The following ITK variants were observed in gnomAD, a reference collection of about 807,000 sequenced individuals.
ITK encodes IL2 inducible T cell kinase, also known as tyrosine-protein kinase ITK/TSK.
ITK carries 45 observed loss-of-function variants against 87.6 expected under a neutral mutation model. The ratio of observed to expected loss-of-function variants is 0.51; its 90% CI spans 0.40 to 0.66. The LOEUF (loss-of-function observed/expected upper bound fraction) is 0.66, where lower values mean the gene tolerates loss of function less well. Ranked by LOEUF, ITK falls within the 30% of genes least tolerant of loss-of-function variation. The pLI, the probability that ITK is intolerant of heterozygous loss-of-function variation, is 0.00. For synonymous variants in ITK, 303 were observed against 273.6 expected, an observed-to-expected ratio of 1.11 and a Z score of -1.06; for missense variants, 605 against 766.3, an observed-to-expected ratio of 0.79 and a Z score of 2.48.
At chr5:157,197,827 C>G (rs1267691936) in intron 1 of ITK, among the ~76,000 whole-genome samples, 1 of 152,086 alleles carries the variant, frequency 6.6e-6, no homozygotes, top group African/African-American at 2.4e-5. Flanking sequence ...TTAAGTTTTT[C>G]CAGTTTATTT....
intron 1 of ITK, among the ~76,000 whole-genome samples, chr5:157,188,541 G>A (rs911314133): frequency 6.6e-6 from 1 of 152,116 alleles, no homozygotes; most frequent in Non-Finnish European, 1.5e-5. Flanking sequence ...ACATAAAATG[G>A]CACTCATTCT....
In ITK at chr5:157,245,928, C is replaced by G. The variant is rs759932471; in HGVS notation, c.1562C>G (p.Pro521Arg). ...ACCAGTTCCACAGGCACCAAATTCC[C>G]GGTGAAGTGGGCATCCCCAGAGGTT... is the stretch of plus-strand genomic sequence containing the variant. ...QYTSSTGTKF[P>R]VKWASPEVFS... Residue 521 changes from proline (P) to arginine (R), a missense_variant, in exon 15 of 17, where the codon CCG (proline) becomes CGG (arginine). Transcript: ENST00000422843. 6.2e-7 allele frequency: 1 copy of G among 1,614,038 alleles called. No individual in the cohort carries two copies. Among genetic ancestry groups the G allele is most frequent in the East Asian group, 2.2e-5 (1 of 44,894 alleles).
intron 1 of ITK, chr5:157,199,468 G>A (rs190417648): frequency 6.6e-6 from 1 of 152,328 alleles, no homozygotes; most frequent in East Asian, 1.9e-4. Context: ...TCCAGCATAA[G>A]CATTGCTCAG....
chr5:157,234,526 T>C (rs1020063201), intron 8 of ITK, among the ~76,000 whole-genome samples: 2 of 152,248 alleles, frequency 1.3e-5, no homozygotes, highest in South Asian at 2.1e-4. Context: ...AATTCCTGCA[T>C]AGTATTCCAT....
At chr5:157,199,003 G>A (rs571738259) in intron 1 of ITK, among the ~76,000 whole-genome samples, 2 of 152,254 alleles carry the variant, frequency 1.3e-5, no homozygotes, top group East Asian at 1.9e-4. Flanking sequence ...GGCCTCAGGC[G>A]ACCCTCCTTC....
chr5:157,240,275 C>G, intron 10 of ITK, 80 bp downstream of exon 10: 1 of 1,313,802 alleles, frequency 7.6e-7, no homozygotes, highest in Non-Finnish European at 1.1e-6. Flanking sequence ...TGCCTGAGCT[C>G]TGCCTTCTGT....
intron 5 of ITK, among the ~76,000 whole-genome samples, 165 bp downstream of exon 5, chr5:157,218,072 A>G (rs966809396): frequency 6.6e-6 from 1 of 152,016 alleles, no homozygotes; most frequent in African/African-American, 2.4e-5. Context: ...TTTGGGCTTG[A>G]ACTCTCTTGG....
chr5:157,187,277 GC>G (rs1324164438), intron 1 of ITK, among the ~76,000 whole-genome samples: 1 of 152,196 alleles, frequency 6.6e-6, no homozygotes. Context: ...TGAACTATCA[GC>G]TTTATGAGAG....
chr5:157,246,651 G>T (rs552900078), intron 15 of ITK, among the ~76,000 whole-genome samples: 1 of 152,288 alleles, frequency 6.6e-6, no homozygotes, highest in South Asian at 2.1e-4. Context: ...TAGAGAGAGG[G>T]TCTGCTTTGA....
At chr5:157,196,861 T>C (rs1382802682) in intron 1 of ITK, among the ~76,000 whole-genome samples, 1 of 152,234 alleles carries the variant, frequency 6.6e-6, no homozygotes, top group Non-Finnish European at 1.5e-5. Flanking sequence ...CATTTCATAT[T>C]TCTTATTCTG....
intron 3 of ITK, among the ~76,000 whole-genome samples, chr5:157,213,956 T>C (rs577522026): frequency 6.6e-6 from 1 of 152,282 alleles, no homozygotes; most frequent in East Asian, 1.9e-4. Context: ...ACATAACTAA[T>C]GCAAGGCAGA....
chr5:157,221,966 C>T (rs1030302114), intron 5 of ITK, among the ~76,000 whole-genome samples: 1 of 151,922 alleles, frequency 6.6e-6, no homozygotes, highest in African/African-American at 2.4e-5. Context: ...GTCTGGGCAA[C>T]ATAGTGAGAC....
At chr5:157,229,162 A>G (rs1335217087) in intron 7 of ITK, among the ~76,000 whole-genome samples, 1 of 152,246 alleles carries the variant, frequency 6.6e-6, no homozygotes, top group Non-Finnish European at 1.5e-5. Context: ...CCAACTAATG[A>G]ATGATAAAGT....
chr5:157,222,835 G>T, intron 5 of ITK, 28 bp from the exon 6 acceptor site: 1 of 1,613,660 alleles, frequency 6.2e-7, no homozygotes, highest in Non-Finnish European at 8.5e-7. Context: ...TTATGTCTTT[G>T]CTTGGTTTTG....
rs1372961220 is a variant in ITK, at chr5:157,208,747, G to A, written c.139-142G>A. 1.2e-5 allele frequency: 8 copies of A among 680,170 alleles called. No individual in the cohort carries two copies. In the East Asian group the frequency reaches 2.2e-4, roughly 19 times the overall value. 42.1% of individuals were successfully genotyped at this position (680,170 alleles called of 1,614,324 possible). A position where few individuals can be genotyped will look rare whatever the true frequency, so the allele number is the denominator to read the frequency against. ...TTTATCCCACACTTAGGGCCAGGAG[G>A]CAGTTTTGGATATTTGGTTTGGAGG... is the stretch of plus-strand genomic sequence containing the variant. On this transcript the variant is annotated intron_variant, in intron 1 of 16. Transcript: ENST00000422843.
At chr5:157,181,148 A>G (rs1318140693) in intron 1 of ITK, 33 bp downstream of exon 1, 21 of 1,612,452 alleles carry the variant, frequency 1.3e-5, no homozygotes, top group East Asian at 1.1e-4. Flanking sequence ...CTTTTTTCGC[A>G]TAGCATTTTA....
rs1754873729 is a variant in ITK at position 157,240,633 on chromosome 5, A to T, written c.985+438A>T. ...GTTGTATAGGAAGCATGGTGCCGGC[A>T]TCTTCTTGGCTTTTAGGGAGCCCTC... On this transcript the variant is annotated intron_variant, in intron 10 of 16. Transcript: ENST00000422843. The T allele has an allele frequency of 1.9e-5, 4 of 213,902 alleles. No homozygotes were observed. The Admixed American group carries it at 2.1e-4, about 11-fold the overall frequency. The allele number at this position is 213,902 out of a possible 1,614,324, so 13.3% of individuals were successfully genotyped here.
At chr5:157,200,910 G>A (rs1192098375) in intron 1 of ITK, among the ~76,000 whole-genome samples, 1 of 152,062 alleles carries the variant, frequency 6.6e-6, no homozygotes, top group East Asian at 1.9e-4. Context: ...TATGGCAAGT[G>A]CAAATTGAGA....
chr5:157,192,271 G>A (rs1429057196), intron 1 of ITK, among the ~76,000 whole-genome samples: 1 of 152,162 alleles, frequency 6.6e-6, no homozygotes, highest in African/African-American at 2.4e-5. Context: ...CTGAATGCCC[G>A]AACTGACTGT....
Sources: allele counts gnomAD v4.1 joint callset (sites outside exome capture counted in the v4.1 genomes callset), GRCh38; gene constraint gnomAD v4.1.1; transcripts MANE v1.5; gene names NCBI Gene and HGNC (gene_info 2026-07-23, HGNC 2026-07-21).